SUMF1: variants seen among roughly 807,000 people sequenced by gnomAD.
The protein encoded by SUMF1 is formylglycine-generating enzyme.
In SUMF1, 48 loss-of-function variants were observed where a neutral mutation model predicts 47.6. The observed-to-expected ratio is 1.01, with a 90% CI of 0.80 to 1.28. The LOEUF (loss-of-function observed/expected upper bound fraction) is 1.28, where lower values mean the gene tolerates loss of function less well. Ranked by LOEUF, SUMF1 falls within the 50% of genes most tolerant of loss-of-function variation. The pLI, the probability that SUMF1 is intolerant of heterozygous loss-of-function variation, is 0.00. For missense variants in SUMF1, 571 were observed against 485.4 expected (o/e 1.18, Z -1.66); for synonymous variants, 230 against 192.1 (o/e 1.20, Z -1.63).
chr3:4,151,341 C>T (rs1694317325), intron 8 of SUMF1, among the ~76,000 whole-genome samples: 2 of 146,776 alleles, frequency 1.4e-5, no homozygotes, highest in African/African-American at 5.1e-5. Context: ...AGAAGAAAAA[C>T]ATAAATATAC....
intron 8 of SUMF1, chr3:4,317,075 G>C: frequency 6.5e-7 from 1 of 1,549,220 alleles, no homozygotes; most frequent in Non-Finnish European, 8.7e-7. Flanking sequence ...ACGTCTTTAA[G>C]CATCTCAACA....
chr3:4,274,924 CA>C (rs1575044061), intron 8 of SUMF1, among the ~76,000 whole-genome samples: 1 of 152,090 alleles, frequency 6.6e-6, no homozygotes, highest in East Asian at 1.9e-4. Flanking sequence ...GTCAAGGAAG[CA>C]GAACTGGACA....
chr3:4,276,858 C>T (rs187967247), intron 8 of SUMF1, among the ~76,000 whole-genome samples: 1 of 152,182 alleles, frequency 6.6e-6, no homozygotes, highest in Non-Finnish European at 1.5e-5. Context: ...TTGTAAAATA[C>T]AGCAATGTTT....
intron 8 of SUMF1, among the ~76,000 whole-genome samples, chr3:4,178,806 C>A (rs1041848868): frequency 6.6e-6 from 1 of 152,204 alleles, no homozygotes; most frequent in South Asian, 2.1e-4. Context: ...AGTCTCAGCC[C>A]AAAATCTCCT....
intron 8 of SUMF1, among the ~76,000 whole-genome samples, chr3:4,151,376 TG>T (rs965594315): frequency 2.1e-4 from 30 of 146,076 alleles, no homozygotes; most frequent in Admixed American, 2.0e-3. Context: ...TATATACATG[TG>T]TGTATATATA....
At chr3:4,307,068 T>G (rs140252596) in intron 8 of SUMF1, among the ~76,000 whole-genome samples, 1 of 152,196 alleles carries the variant, frequency 6.6e-6, no homozygotes, top group South Asian at 2.1e-4. Context: ...AACAAACTTA[T>G]GAGGCTAGAG....
chr3:4,102,945 T>C (rs995462993), intron 8 of SUMF1, among the ~76,000 whole-genome samples: 1 of 150,358 alleles, frequency 6.7e-6, no homozygotes, highest in Non-Finnish European at 1.5e-5. Flanking sequence ...TAATTTGAGA[T>C]GGAATCTCAC....
At chr3:4,222,272 T>G (rs1039637055) in intron 8 of SUMF1, among the ~76,000 whole-genome samples, 1 of 152,086 alleles carries the variant, frequency 6.6e-6, no homozygotes, top group Non-Finnish European at 1.5e-5. Context: ...TCTCACCACC[T>G]CAAGGAAGCT....
chr3:4,211,295 G>C (rs1695788939), intron 8 of SUMF1, among the ~76,000 whole-genome samples: 1 of 145,294 alleles, frequency 6.9e-6, no homozygotes, highest in Admixed American at 7.1e-5. Context: ...GTACCCATTA[G>C]TTATTTTTCC....
chr3:4,315,739 TATAAG>T (rs1469805946), intron 8 of SUMF1, among the ~76,000 whole-genome samples: 1 of 152,090 alleles, frequency 6.6e-6, no homozygotes, highest in East Asian at 1.9e-4. Flanking sequence ...TTTTATAAAT[TATAAG>T]ATTCAAATTT....
chr3:4,161,057 G>A (rs1694565172), intron 8 of SUMF1, among the ~76,000 whole-genome samples: 1 of 152,134 alleles, frequency 6.6e-6, no homozygotes, highest in African/African-American at 2.4e-5. Context: ...AACACCCCAA[G>A]CCCAGTAATG....
intron 8 of SUMF1, chr3:4,316,706 G>T (rs1031562015): frequency 3.2e-6 from 5 of 1,550,876 alleles, no homozygotes; most frequent in Middle Eastern, 1.7e-4. Flanking sequence ...ATGACAACCG[G>T]CGACGATCAG....
intron 9 of SUMF1, among the ~76,000 whole-genome samples, chr3:4,052,368 C>T (rs1695126867): frequency 6.6e-6 from 1 of 152,160 alleles, no homozygotes; most frequent in Admixed American, 6.5e-5. Context: ...CACAAATATT[C>T]AAGCACAGCA....
intron 8 of SUMF1, among the ~76,000 whole-genome samples, chr3:4,097,424 G>A (rs1235507021): frequency 7.2e-5 from 11 of 151,904 alleles, no homozygotes; most frequent in Admixed American, 6.6e-4. Flanking sequence ...GTGGGGGCAG[G>A]TGCCTGTAAT....
intron 1 of SUMF1, among the ~76,000 whole-genome samples, chr3:4,458,593 C>G (rs548245452): frequency 3.9e-5 from 6 of 152,144 alleles, no homozygotes; most frequent in African/African-American, 1.4e-4. Flanking sequence ...CGGAGGCTCA[C>G]GCCTGTAATC....
intron 8 of SUMF1, among the ~76,000 whole-genome samples, chr3:4,113,678 G>A (rs890350580): frequency 6.6e-6 from 1 of 151,924 alleles, no homozygotes; most frequent in African/African-American, 2.4e-5. Context: ...AATACTAAAG[G>A]TTTTTTTGGA....
chr3:4,203,523 G>C (rs915001833), intron 8 of SUMF1, among the ~76,000 whole-genome samples: 8 of 151,802 alleles, frequency 5.3e-5, no homozygotes, highest in African/African-American at 1.7e-4. Flanking sequence ...TATTGGTCCT[G>C]TTTTTTACAT....
intron 9 of SUMF1, among the ~76,000 whole-genome samples, chr3:4,052,023 C>T (rs1228270219): frequency 2.0e-5 from 3 of 152,094 alleles, no homozygotes; most frequent in Non-Finnish European, 2.9e-5. Flanking sequence ...GTACTTGTTT[C>T]CTAAGGCTGC....
intron 8 of SUMF1, among the ~76,000 whole-genome samples, chr3:4,107,397 C>T (rs1693182948): frequency 1.3e-5 from 2 of 152,088 alleles, no homozygotes; most frequent in Non-Finnish European, 2.9e-5. Flanking sequence ...AGGCAGCTAT[C>T]ACTGAGGCTC....
Sources: gnomAD v4.1 joint callset for allele counts (sites outside exome capture counted in the v4.1 genomes callset) on GRCh38, gnomAD v4.1.1 for gene constraint, MANE v1.5 for transcripts, NCBI Gene and HGNC (gene_info 2026-07-23, HGNC 2026-07-21) for gene names.